The following SHC2 variants were observed in gnomAD, a reference collection of about 807,000 sequenced individuals.
The protein encoded by SHC2 is SHC adaptor protein 2.
In SHC2, 62 loss-of-function variants were observed where a neutral mutation model predicts 60.6. That is an observed-to-expected ratio of 1.02 (90% CI 0.83 to 1.26). SHC2 has a LOEUF of 1.26. SHC2 is among the 50% of genes most tolerant of loss of function. The probability of loss-of-function intolerance (pLI) is 0.00; values close to 1 mark genes in which losing one functional copy is unlikely to be tolerated. For missense variants in SHC2, 873 were observed against 822.2 expected (o/e 1.06, Z -0.76); for synonymous variants, 375 against 372.4 (o/e 1.01, Z -0.08).
rs1329546270 is a variant in SHC2, at chr19:417,131, C to G, written c.*197G>C. ...GCAAAGGAGGGGGTGGGCAGGGGCCCCGGCAGGAGGAGGCTCTGCCCAGCC... is the reference window on the plus strand; with the variant it reads ...GCAAAGGAGGGGGTGGGCAGGGGCCGCGGCAGGAGGAGGCTCTGCCCAGCC... On this transcript the variant is annotated 3_prime_UTR_variant, in exon 13 of 13. Coordinates refer to ENST00000264554, the MANE Select transcript of SHC2 (RefSeq NM_012435.3). 1 of 152,804 alleles carries G rather than the reference C, an allele frequency of 6.5e-6. No homozygotes were observed. Among genetic ancestry groups the G allele is most frequent in the African/African-American group, 2.4e-5 (1 of 41,468 alleles). 9.5% of individuals were successfully genotyped at this position (152,804 alleles called of 1,614,324 possible).
At position 425,116 on chromosome 19, in the gene SHC2, T is replaced by C; in HGVS notation, c.1290A>G (p.Lys430=). 1 of 1,406,114 alleles carries C rather than the reference T, an allele frequency of 7.1e-7. No individual in the cohort carries two copies. The highest frequency in any genetic ancestry group is 9.3e-7 in the Non-Finnish European group (1 of 1,072,192). 87.1% of individuals were successfully genotyped at this position (1,406,114 alleles called of 1,614,324 possible). Residue 430 remains lysine (K), a synonymous_variant, in exon 10 of 13, where the codon AAA becomes AAG. Coordinates refer to ENST00000264554, the MANE Select transcript of SHC2 (RefSeq NM_012435.3). This position sits in a 1 kb window ranked among gnomAD's most constrained non-coding sequence, Gnocchi z 4.1. ...ACATACGCATGTCAAACAGATCCTT[T>C]TTGGGGCTGTCCTCCGGCTCGGGGG... ...LDAPEPEDSP[K]KDLFDMRPFE...
At chr19:419,178 AC>A in intron 11 of SHC2, 122 bp from the exon 12 acceptor site, 2 of 1,144,488 alleles carry the variant, frequency 1.7e-6, no homozygotes, top group Non-Finnish European at 2.4e-6. Flanking sequence ...GAGGGGCCGG[AC>A]CAGGGAATTC....
chr19:454,253 C>T (rs1010328195), intron 1 of SHC2, among the ~76,000 whole-genome samples: 8 of 152,218 alleles, frequency 5.3e-5, no homozygotes, highest in Admixed American at 3.3e-4. Flanking sequence ...GGTGCAGACA[C>T]GGACGGTTCT....
At chr19:443,540 G>A (rs564831930) in intron 1 of SHC2, among the ~76,000 whole-genome samples, 2 of 149,136 alleles carry the variant, frequency 1.3e-5, no homozygotes, top group South Asian at 4.3e-4. Context: ...ATGGATGGAT[G>A]GGTGGATGGA....
intron 1 of SHC2, among the ~76,000 whole-genome samples, chr19:448,470 T>C (rs1030425325): frequency 2.6e-5 from 4 of 151,420 alleles, no homozygotes; most frequent in Non-Finnish European, 4.4e-5. Flanking sequence ...TCCCTCTTCT[T>C]AGAGGACACG....
intron 1 of SHC2, among the ~76,000 whole-genome samples, chr19:457,876 C>CG (rs973742976): frequency 6.6e-6 from 1 of 152,240 alleles, no homozygotes; most frequent in African/African-American, 2.4e-5. Context: ...ACGGCGAGGG[C>CG]GGCCCGATGC....
At position 422,361 on chromosome 19, in the gene SHC2, G is replaced by T. The variant is rs755935631; in HGVS notation, c.1405C>A (p.Pro469Thr). The change falls in exon 11 of 13, where the codon CCT (proline) becomes ACT (threonine). Residue 469 changes from proline (P) to threonine (T), a missense_variant. By Grantham distance (38) the Pro-to-Thr change is conservative. Coordinates refer to ENST00000264554, the MANE Select transcript of SHC2 (RefSeq NM_012435.3). The surrounding 1 kb of genome is among the most constrained non-coding windows in gnomAD (Gnocchi z 5.0). ...LPLEDQWPSP[P>T]TRRAPVAPTE... The stretch of plus-strand genomic sequence containing the variant: ...GGGGCCACAGGGGCCCGGCGGGTAG[G>T]GGGGCTGGGCCACTGGTCCTCCAAG... The T allele has an allele frequency of 6.9e-6, 11 of 1,605,094 alleles. No individual in the cohort carries two copies. The East Asian group carries it at 1.6e-4, about 23-fold the overall frequency.
At chr19:455,588 G>A (rs775210113) in intron 1 of SHC2, among the ~76,000 whole-genome samples, 13 of 152,244 alleles carry the variant, frequency 8.5e-5, no homozygotes, top group Admixed American at 1.3e-4. Flanking sequence ...CTGCGATGCC[G>A]GCTGAGTCGC....
At chr19:458,785 G>A (rs1975457665) in intron 1 of SHC2, among the ~76,000 whole-genome samples, 1 of 144,674 alleles carries the variant, frequency 6.9e-6, no homozygotes, top group South Asian at 2.1e-4. Flanking sequence ...TTCCGGGGAG[G>A]CGGAAGCGGG....
intron 1 of SHC2, among the ~76,000 whole-genome samples, chr19:451,087 T>G (rs1171847557): frequency 2.1e-5 from 3 of 145,998 alleles, no homozygotes; most frequent in Non-Finnish European, 4.5e-5. Context: ...CACGTCGTAT[T>G]TTAGCGTGTG....
chr19:429,028 C>G (rs1256749796), intron 9 of SHC2, among the ~76,000 whole-genome samples: 3 of 150,360 alleles, frequency 2.0e-5, no homozygotes, highest in Non-Finnish European at 3.0e-5. Context: ...AAACCTAATA[C>G]CGTGTGGATG....
intron 1 of SHC2, among the ~76,000 whole-genome samples, chr19:459,134 G>T (rs570643449): frequency 6.6e-6 from 1 of 152,262 alleles, no homozygotes; most frequent in South Asian, 2.1e-4. Flanking sequence ...AAGGTAATAA[G>T]GTCAGACTCC....
chr19:452,612 G>T (rs1051723013), intron 1 of SHC2, among the ~76,000 whole-genome samples: 1 of 152,206 alleles, frequency 6.6e-6, no homozygotes, highest in Non-Finnish European at 1.5e-5. Context: ...TGCGGTTGGG[G>T]CATCGTACTG....
At chr19:429,553 C>A (rs7248588) in intron 9 of SHC2, among the ~76,000 whole-genome samples, 36 of 148,664 alleles carry the variant, frequency 2.4e-4, no homozygotes, top group African/African-American at 1.2e-4. Flanking sequence ...ATCCAACGTG[C>A]ACAGAAACCT....
rs573286329 is a variant in SHC2 at position 440,296 on chromosome 19, G to A, written c.539+566C>T. ...TGTTCGGAACTAGACAGTGGTGATC[G>A]TGTGACTCTGTGAAGAGCCTAAAGT... On this transcript the variant is annotated intron_variant, in intron 2 of 12. Transcript: ENST00000264554. The surrounding 1 kb of genome is among the most constrained non-coding windows in gnomAD (Gnocchi z 7.0). Among the ~76,000 whole-genome samples the A allele has an allele frequency of 4.6e-5, 7 of 152,108 alleles. No individual in the cohort carries two copies. The East Asian group carries it at 5.8e-4, about 13-fold the overall frequency.
chr19:447,732 C>G (rs1035358424), intron 1 of SHC2, among the ~76,000 whole-genome samples: 1 of 151,958 alleles, frequency 6.6e-6, no homozygotes, highest in Non-Finnish European at 1.5e-5. Context: ...GAGCCGAGAT[C>G]GCACCACTGC....
rs766241345 is a variant in SHC2, at chr19:438,560, G to C, written c.720+158C>G. On this transcript the variant is annotated intron_variant, in intron 4 of 12. Coordinates refer to ENST00000264554, the MANE Select transcript of SHC2 (RefSeq NM_012435.3). The surrounding 1 kb of genome is among the most constrained non-coding windows in gnomAD (Gnocchi z 5.0). The stretch of plus-strand genomic sequence containing the variant: ...CCCTGAGCTGAGCCCCGTGAGGGCA[G>C]TGGCTGCACCCCCAGCTCCTGCTCA... Among the ~76,000 whole-genome samples, 6 of 152,210 alleles carry C rather than the reference G, an allele frequency of 3.9e-5. No homozygotes were observed. The highest frequency in any genetic ancestry group is 5.9e-5 in the Non-Finnish European group (4 of 68,026).
intron 1 of SHC2, among the ~76,000 whole-genome samples, chr19:454,145 C>G (rs563101652): frequency 9.8e-5 from 15 of 152,290 alleles, no homozygotes; most frequent in Middle Eastern, 3.4e-3. Flanking sequence ...CCTGTGACCA[C>G]TTGAGAAAAG....
chr19:438,301 G>T lies in SHC2; in HGVS notation c.720+417C>A, dbSNP rs556597529. On this transcript the variant is annotated intron_variant, in intron 4 of 12. Transcript: ENST00000264554. This position sits in a 1 kb window ranked among gnomAD's most constrained non-coding sequence, Gnocchi z 5.0. ...GCCTCACAGTGCTGGGGTTACAGGC[G>T]TGAGCAACCAAGCCCGAGCCTGGTC... 6.6e-6 allele frequency among the ~76,000 whole-genome samples: 1 copy of T among 152,226 alleles called. No individual in the cohort carries two copies. The highest frequency in any genetic ancestry group is 1.5e-5 in the Non-Finnish European group (1 of 68,048).
Sources: gnomAD v4.1 joint callset for allele counts (sites outside exome capture counted in the v4.1 genomes callset) on GRCh38, gnomAD v4.1.1 for gene constraint, Gnocchi (gnomAD v3.1) non-coding constraint, MANE v1.5 for transcripts, NCBI Gene and HGNC (gene_info 2026-07-23, HGNC 2026-07-21) for gene names.